HS6ST1: variants seen among roughly 807,000 people sequenced by gnomAD.
HS6ST1 encodes the protein heparan sulfate 6-O-sulfotransferase 1.
In HS6ST1, 3 loss-of-function variants were observed where a neutral mutation model predicts 25.2. The ratio of observed to expected loss-of-function variants is 0.12; its 90% CI spans 0.05 to 0.31. The LOEUF is 0.31. Ranked by LOEUF, HS6ST1 falls within the 10% of genes least tolerant of loss-of-function variation. HS6ST1 has a pLI of 1.00. For missense variants in HS6ST1, 310 were observed against 609.6 expected (o/e 0.51, Z 5.18); for synonymous variants, 204 against 275.1 (o/e 0.74, Z 2.56).
At chr2:128,302,302 T>G (rs1694143671) in intron 1 of HS6ST1, among the ~76,000 whole-genome samples, 1 of 152,198 alleles carries the variant, frequency 6.6e-6, no homozygotes, top group African/African-American at 2.4e-5. Flanking sequence ...TGGGTCAGGC[T>G]GAGCTGGAGC....
intron 1 of HS6ST1, among the ~76,000 whole-genome samples, chr2:128,315,565 G>C (rs1323652540): frequency 6.6e-6 from 1 of 152,190 alleles, no homozygotes; most frequent in African/African-American, 2.4e-5. Flanking sequence ...GAGGGCCAGG[G>C]TGACACCTGA....
chr2:128,308,517 A>T (rs1694244823), intron 1 of HS6ST1, among the ~76,000 whole-genome samples: 1 of 152,228 alleles, frequency 6.6e-6, no homozygotes, highest in Admixed American at 6.5e-5. Flanking sequence ...GGGTGGGGTC[A>T]GGCTGCCACC....
At chr2:128,299,732 G>A (rs1359075887) in intron 1 of HS6ST1, among the ~76,000 whole-genome samples, 3 of 152,172 alleles carry the variant, frequency 2.0e-5, no homozygotes, top group African/African-American at 2.4e-5. Flanking sequence ...CCCAGCTGGC[G>A]GAGAGACAGA....
chr2:128,293,008 T>C (rs959114263), intron 1 of HS6ST1, among the ~76,000 whole-genome samples: 2 of 152,154 alleles, frequency 1.3e-5, no homozygotes, highest in African/African-American at 4.8e-5. Context: ...TCTGGGGTCC[T>C]TGCCGTGGCT....
chr2:128,304,082 A>G (rs1472368864), intron 1 of HS6ST1, among the ~76,000 whole-genome samples: 1 of 152,142 alleles, frequency 6.6e-6, no homozygotes, highest in African/African-American at 2.4e-5. Flanking sequence ...CCAGGTTCTC[A>G]GGCCTTTGGC....
At chr2:128,312,189 C>T (rs840876) in intron 1 of HS6ST1, among the ~76,000 whole-genome samples, 2 of 152,212 alleles carry the variant, frequency 1.3e-5, no homozygotes, top group South Asian at 2.1e-4. Flanking sequence ...GCCTTCCATG[C>T]GCATGCAGGG....
At chr2:128,292,579 C>T (rs1693973276) in intron 1 of HS6ST1, among the ~76,000 whole-genome samples, 1 of 152,168 alleles carries the variant, frequency 6.6e-6, no homozygotes, top group South Asian at 2.1e-4. Flanking sequence ...TCAGGGAGGG[C>T]GGCCAGGCTC....
At chr2:128,284,561 G>A (rs1693834486) in intron 1 of HS6ST1, among the ~76,000 whole-genome samples, 1 of 146,840 alleles carries the variant, frequency 6.8e-6, no homozygotes, top group African/African-American at 2.5e-5. Flanking sequence ...GAATGCAGTG[G>A]CGTGATCTTG....
At chr2:128,310,660 T>C (rs840875) in intron 1 of HS6ST1, among the ~76,000 whole-genome samples, 104,293 of 151,982 alleles carry the variant, frequency 0.69, 37,198 homozygotes, top group African/African-American at 0.88. Flanking sequence ...TGCCCACCTG[T>C]GGATCCTAAA....
Position 128,268,068 on chromosome 2 carries a change from A to T in HS6ST1, c.*94T>A. 2.3e-6 allele frequency: 2 copies of T among 872,726 alleles called. No homozygotes were observed. The highest frequency in any genetic ancestry group is 5.3e-5 in the East Asian group (2 of 37,542). The allele number at this position is 872,726 out of a possible 1,614,324, so 54.1% of individuals were successfully genotyped here. A position where few individuals can be genotyped will look rare whatever the true frequency, so the allele number is the denominator to read the frequency against. On this transcript the variant is annotated 3_prime_UTR_variant, in exon 2 of 2. Coordinates refer to ENST00000259241, the MANE Select transcript of HS6ST1 (RefSeq NM_004807.3). ...GCTACCTCTGTGGAGCAGGTTTGGG[A>T]TGCTCATCCCTTGACAGTCTTGGGT...
At chr2:128,281,447 GACTGTCCGGCCATCAGGATGTCCT>G (rs908865730) in intron 1 of HS6ST1, among the ~76,000 whole-genome samples, 7 of 152,344 alleles carry the variant, frequency 4.6e-5, no homozygotes, top group African/African-American at 1.2e-4. Context: ...GTGGCTGTGT[GACTGTCCGGCCATCAGGATGTCCT>G]TAGAGACAGC....
intron 1 of HS6ST1, among the ~76,000 whole-genome samples, chr2:128,278,766 A>G (rs998363899): frequency 2.0e-5 from 3 of 152,192 alleles, no homozygotes; most frequent in Non-Finnish European, 4.4e-5. Context: ...ACATGTTCAG[A>G]AAAAACACCA....
chr2:128,308,686 G>T (rs840870), intron 1 of HS6ST1, among the ~76,000 whole-genome samples: 103,475 of 152,096 alleles, frequency 0.68, 36,467 homozygotes, highest in African/African-American at 0.86. Context: ...CAAGGCCATA[G>T]CCCAAGGTGA....
intron 1 of HS6ST1, among the ~76,000 whole-genome samples, chr2:128,274,696 G>C (rs956898254): frequency 6.6e-6 from 1 of 152,162 alleles, no homozygotes; most frequent in South Asian, 2.1e-4. Context: ...AGGGGCAAAG[G>C]CCAGGCGTGG....
chr2:128,294,097 C>T (rs1022905765), intron 1 of HS6ST1, among the ~76,000 whole-genome samples: 1 of 152,178 alleles, frequency 6.6e-6, no homozygotes, highest in African/African-American at 2.4e-5. Flanking sequence ...GGCCCAGACC[C>T]TCTGCTGGAA....
intron 1 of HS6ST1, among the ~76,000 whole-genome samples, chr2:128,309,189 T>C (rs150381530): frequency 7.8e-4 from 119 of 152,346 alleles, no homozygotes; most frequent in Admixed American, 2.5e-3. Context: ...GCCCTCCTTG[T>C]TGCTGGGTTA....
intron 1 of HS6ST1, among the ~76,000 whole-genome samples, chr2:128,304,369 G>A (rs1333316184): frequency 6.6e-6 from 1 of 152,210 alleles, no homozygotes; most frequent in African/African-American, 2.4e-5. Context: ...TGCTCCCCAG[G>A]GACAGAGATG....
chr2:128,314,841 A>G (rs1694337855), intron 1 of HS6ST1, among the ~76,000 whole-genome samples: 3 of 152,332 alleles, frequency 2.0e-5, no homozygotes, highest in East Asian at 1.9e-4. Flanking sequence ...CGTGGCCCCA[A>G]ATGAAGCCCA....
chr2:128,272,652 G>C (rs1028221510), intron 1 of HS6ST1, among the ~76,000 whole-genome samples: 2 of 152,202 alleles, frequency 1.3e-5, no homozygotes, highest in African/African-American at 4.8e-5. Context: ...GCAGAGTTGG[G>C]GGCCAGAGAC....
Sources: allele counts gnomAD v4.1 joint callset (sites outside exome capture counted in the v4.1 genomes callset), GRCh38; gene constraint gnomAD v4.1.1; transcripts MANE v1.5; gene names NCBI Gene and HGNC (gene_info 2026-07-23, HGNC 2026-07-21).